PCDHA11: variants seen among roughly 807,000 people sequenced by gnomAD.
The protein encoded by PCDHA11 is protocadherin alpha-11.
Under a neutral mutation model 70.3 loss-of-function variants are expected in PCDHA11, and 61 were observed. The observed-to-expected ratio is 0.87, with a 90% CI of 0.71 to 1.07. The LOEUF (loss-of-function observed/expected upper bound fraction) is 1.07. PCDHA11 is among the 50% of genes least tolerant of loss of function. PCDHA11 has a pLI of 0.00. For synonymous variants in PCDHA11, 633 were observed against 555.1 expected (o/e 1.14, Z -1.97); for missense variants, 1,324 against 1,237.5 (o/e 1.07, Z -1.05).
intron 1 of PCDHA11, among the ~76,000 whole-genome samples, chr5:140,926,036 C>A (rs2082873940): frequency 6.6e-6 from 1 of 152,168 alleles, no homozygotes; most frequent in South Asian, 2.1e-4. Context: ...TTGATGCGGA[C>A]ACTATTCCCC....
chr5:140,923,508 G>C (rs570497442), intron 1 of PCDHA11, among the ~76,000 whole-genome samples: 1 of 152,222 alleles, frequency 6.6e-6, no homozygotes, highest in Non-Finnish European at 1.5e-5. Flanking sequence ...CAGCCTGGAT[G>C]ATGAAGTGAG....
intron 1 of PCDHA11, chr5:140,926,849 C>A: frequency 6.6e-7 from 1 of 1,517,430 alleles, no homozygotes. Flanking sequence ...CCTGGGTCAC[C>A]GTTGGTGTAG....
chr5:140,877,458 G>C, intron 1 of PCDHA11: 1 of 1,613,814 alleles, frequency 6.2e-7, no homozygotes, highest in Non-Finnish European at 8.5e-7. Context: ...TGACGTCCAC[G>C]GCCACGGTGC....
intron 1 of PCDHA11, chr5:140,968,969 A>G (rs1554231287): frequency 1.9e-6 from 3 of 1,614,230 alleles, no homozygotes; most frequent in Non-Finnish European, 2.5e-6. Context: ...CTACCGCTAC[A>G]CTGCGTATGG....
At chr5:140,933,401 C>T (rs1382982699) in intron 1 of PCDHA11, among the ~76,000 whole-genome samples, 1 of 151,928 alleles carries the variant, frequency 6.6e-6, no homozygotes, top group African/African-American at 2.4e-5. Flanking sequence ...ATCTGGTTAC[C>T]ATCTACAGAT....
At chr5:140,892,260 T>C (rs2063449120) in intron 1 of PCDHA11, among the ~76,000 whole-genome samples, 1 of 152,218 alleles carries the variant, frequency 6.6e-6, no homozygotes, top group East Asian at 1.9e-4. Flanking sequence ...TCTTTGATTT[T>C]GTGCTGAAAG....
chr5:140,869,518 A>C lies in PCDHA11; in HGVS notation c.415A>C (p.Lys139Gln). The C allele has an allele frequency of 6.2e-7, 1 of 1,614,170 alleles. No homozygotes were observed. The highest frequency in any genetic ancestry group is 2.2e-5 in the East Asian group (1 of 44,884). The change falls in exon 1 of 4, where the codon AAG (lysine) becomes CAG (glutamine). Residue 139 changes from lysine to glutamine, a missense_variant. Physicochemically the swap from Lys to Gln is moderately conservative, Grantham distance 53. Transcript: ENST00000398640. ...GCCGGTGTTCTCGCTCAGAGAACAA[A>C]AGCTGCTGATTGCGGAATCTAAGCA... ...NPPVFSLREQKLLIAESKQSD... is the reference protein window; with the variant it reads ...NPPVFSLREQQLLIAESKQSD...
chr5:140,942,617 TG>T (rs1223896117), intron 1 of PCDHA11, among the ~76,000 whole-genome samples: 4 of 100,138 alleles, frequency 4.0e-5, no homozygotes, highest in Admixed American at 9.6e-5. Flanking sequence ...ATTTGCCAAT[TG>T]TAAAAAAAAA....
At chr5:140,962,203 C>T (rs1431150597) in intron 1 of PCDHA11, among the ~76,000 whole-genome samples, 1 of 152,086 alleles carries the variant, frequency 6.6e-6, no homozygotes, top group African/African-American at 2.4e-5. Flanking sequence ...CTTCCTATCT[C>T]CTTATTGATC....
At chr5:140,997,044 T>C (rs2097756836) in intron 3 of PCDHA11, among the ~76,000 whole-genome samples, 1 of 152,180 alleles carries the variant, frequency 6.6e-6, no homozygotes, top group South Asian at 2.1e-4. Flanking sequence ...TGAACTTTAC[T>C]TTTTAGAGCA....
chr5:140,884,478 C>G, intron 1 of PCDHA11: 1 of 1,613,916 alleles, frequency 6.2e-7, no homozygotes, highest in African/African-American at 1.3e-5. Context: ...CCGGGCAAGC[C>G]CACTCTAGTG....
chr5:141,009,709 C>T lies in PCDHA11; in HGVS notation c.2622C>T (p.Asn874=). The part of the protein sequence containing the change: ...NSWTFKYGPG[N]PKQSGPGELP... ...GGACCTTTAAATACGGACCAGGCAA[C>T]CCCAAACAATCCGGTCCCGGTGAGT... The change falls in exon 4 of 4, where the codon AAC becomes AAT. Residue 874 remains asparagine (N), a synonymous_variant. Coordinates refer to ENST00000398640, the MANE Select transcript of PCDHA11 (RefSeq NM_018902.5). 1 of 1,614,118 alleles carries T rather than the reference C, an allele frequency of 6.2e-7. No homozygotes were observed. Among genetic ancestry groups the T allele is most frequent in the Non-Finnish European group, 8.5e-7 (1 of 1,180,024 alleles).
chr5:140,953,110 G>A (rs1384996852), intron 1 of PCDHA11, among the ~76,000 whole-genome samples: 2 of 152,074 alleles, frequency 1.3e-5, no homozygotes, highest in Non-Finnish European at 2.9e-5. Flanking sequence ...ATTTGGGCAG[G>A]GACACAGATC....
chr5:140,987,155 A>G (rs2097233368), intron 3 of PCDHA11, among the ~76,000 whole-genome samples: 1 of 151,902 alleles, frequency 6.6e-6, no homozygotes, highest in South Asian at 2.1e-4. Context: ...TGGAGGTTGC[A>G]GTGAGCTGAG....
At chr5:140,906,693 G>T (rs887867103) in intron 1 of PCDHA11, among the ~76,000 whole-genome samples, 3 of 152,082 alleles carry the variant, frequency 2.0e-5, no homozygotes, top group African/African-American at 7.2e-5. Flanking sequence ...GAAGGATCTG[G>T]GCCATTTGTA....
intron 1 of PCDHA11, among the ~76,000 whole-genome samples, chr5:140,943,863 G>T (rs2093580168): frequency 1.3e-5 from 2 of 152,186 alleles, no homozygotes; most frequent in Admixed American, 1.3e-4. Context: ...TCAAGAAGAG[G>T]TCTCTGAAGT....
rs373471484 is a variant in PCDHA11, at chr5:140,997,017, TA to T, written c.2540-12609del. 5.1e-4 allele frequency among the ~76,000 whole-genome samples: 78 copies of T among 152,304 alleles called. No individual in the cohort carries two copies. The South Asian group carries it at 0.011, about 21-fold the overall frequency. ...TAACAATTTTGTGTGTATCCTCCAA[TA>T]TTTTTTTGAAATTAATGAACTTTAC... On this transcript the variant is annotated intron_variant, in intron 3 of 3. Transcript: ENST00000398640.
chr5:140,875,586 G>T, intron 1 of PCDHA11: 1 of 1,614,024 alleles, frequency 6.2e-7, no homozygotes, highest in South Asian at 1.1e-5. Flanking sequence ...TCTACGAGGA[G>T]GCCAAACACG....
At chr5:140,962,772 T>C (rs1039768584) in intron 1 of PCDHA11, among the ~76,000 whole-genome samples, 2 of 152,336 alleles carry the variant, frequency 1.3e-5, no homozygotes, top group Admixed American at 1.3e-4. Context: ...TTTAACAAGA[T>C]GGAATTTTTA....
Sources: gnomAD v4.1 joint callset for allele counts (sites outside exome capture counted in the v4.1 genomes callset) on GRCh38, gnomAD v4.1.1 for gene constraint, MANE v1.5 for transcripts, NCBI Gene and HGNC (gene_info 2026-07-23, HGNC 2026-07-21) for gene names.